SH3D19: variants seen among roughly 807,000 people sequenced by gnomAD.
The protein encoded by SH3D19 is SH3 domain containing 19.
SH3D19 carries 58 observed loss-of-function variants against 112.1 expected under a neutral mutation model. That is an observed-to-expected ratio of 0.52 (90% CI 0.42 to 0.64). SH3D19 has a LOEUF of 0.64. Ranked by LOEUF, SH3D19 falls within the 30% of genes least tolerant of loss-of-function variation. SH3D19 has a pLI of 0.00. For missense variants in SH3D19, 1,090 were observed against 1,263.4 expected, an observed-to-expected ratio of 0.86 and a Z score of 2.08; for synonymous variants, 391 against 448.5, an observed-to-expected ratio of 0.87 and a Z score of 1.62.
At chr4:151,172,024 A>G (rs939732428) in intron 7 of SH3D19, among the ~76,000 whole-genome samples, 2 of 152,204 alleles carry the variant, frequency 1.3e-5, no homozygotes, top group African/African-American at 4.8e-5. Flanking sequence ...CCTGAGATTA[A>G]TATGGCAACT....
intron 1 of SH3D19, among the ~76,000 whole-genome samples, chr4:151,255,627 C>T (rs1430632051): frequency 6.6e-6 from 1 of 152,012 alleles, no homozygotes; most frequent in African/African-American, 2.4e-5. Flanking sequence ...GACGGGGTGG[C>T]GGCCGGGCAG....
chr4:151,261,715 T>C (rs1772390401), intron 1 of SH3D19, among the ~76,000 whole-genome samples: 1 of 152,242 alleles, frequency 6.6e-6, no homozygotes, highest in Non-Finnish European at 1.5e-5. Context: ...ATAATCTCTT[T>C]GCTTATTGAT....
At chr4:151,249,659 G>A (rs570318021) in intron 1 of SH3D19, among the ~76,000 whole-genome samples, 2 of 151,532 alleles carry the variant, frequency 1.3e-5, no homozygotes, top group South Asian at 2.1e-4. Context: ...TGTAAACTTC[G>A]TGTAAAAAAA....
chr4:151,163,426 T>G (rs1038370758), intron 8 of SH3D19, among the ~76,000 whole-genome samples: 1 of 152,128 alleles, frequency 6.6e-6, no homozygotes, highest in African/African-American at 2.4e-5. Flanking sequence ...CAGGCAAAAT[T>G]TCTTATTATT....
intron 1 of SH3D19, among the ~76,000 whole-genome samples, chr4:151,255,879 G>A (rs917079167): frequency 6.6e-6 from 1 of 152,264 alleles, no homozygotes; most frequent in South Asian, 2.1e-4. Context: ...AGTCAGGCGT[G>A]GCGGTGCGAG....
At chr4:151,324,105 T>C (rs925863605) in intron 1 of SH3D19, among the ~76,000 whole-genome samples, 1 of 152,242 alleles carries the variant, frequency 6.6e-6, no homozygotes, top group African/African-American at 2.4e-5. Flanking sequence ...ATGCCTTATT[T>C]TGATGAAAAG....
chr4:151,218,260 T>C (rs1054484365), intron 2 of SH3D19, among the ~76,000 whole-genome samples: 1 of 152,160 alleles, frequency 6.6e-6, no homozygotes, highest in Admixed American at 6.5e-5. Context: ...ATCAATTTTT[T>C]CTGAACATTC....
chr4:151,137,396 T>TA (rs1752090767), intron 14 of SH3D19, among the ~76,000 whole-genome samples: 1 of 152,162 alleles, frequency 6.6e-6, no homozygotes, highest in Non-Finnish European at 1.5e-5. Flanking sequence ...GATAAGCTAG[T>TA]ATCACTGAAT....
intron 9 of SH3D19, among the ~76,000 whole-genome samples, chr4:151,154,150 G>A (rs1349415316): frequency 1.6e-5 from 2 of 124,974 alleles, no homozygotes; most frequent in Admixed American, 1.7e-4. Flanking sequence ...TTTTTTTTGT[G>A]AGATGGAGTT....
chr4:151,133,065 C>G lies in SH3D19; in HGVS notation c.2658G>C (p.Glu886Asp), dbSNP rs1386779956. 2.5e-5 allele frequency: 40 copies of G among 1,613,836 alleles called. No homozygotes were observed. Among genetic ancestry groups the G allele is most frequent in the Non-Finnish European group, 3.2e-5 (38 of 1,179,904 alleles). Residue 886 changes from glutamate to aspartate, a missense_variant, in exon 16 of 20, where the codon GAG becomes GAC. Coordinates refer to ENST00000604030, the MANE Select transcript of SH3D19 (RefSeq NM_001378122.1). Reference sequence around the variant, plus strand: ...CATTTGCACCAGAGGTGGGATAATCCTCAACAGGCTCCACAAAGTTCAGGG... The same window carrying G: ...CATTTGCACCAGAGGTGGGATAATCGTCAACAGGCTCCACAAAGTTCAGGG... The part of the protein sequence containing the change: ...IFPLNFVEPV[E>D]DYPTSGANVL...
intron 2 of SH3D19, among the ~76,000 whole-genome samples, chr4:151,194,788 G>A (rs1309696762): frequency 6.6e-6 from 1 of 151,048 alleles, no homozygotes; most frequent in Non-Finnish European, 1.5e-5. Context: ...ACTGTTAAGA[G>A]TTAACCTTAA....
In SH3D19 at chr4:151,226,932, T is replaced by A. The variant is rs577062619; in HGVS notation, c.113-846A>T. Among the ~76,000 whole-genome samples, 121 of 152,292 alleles carry A rather than the reference T, an allele frequency of 7.9e-4. 1 individual carries two copies. The highest frequency in any genetic ancestry group is 2.7e-3 in the African/African-American group (114 of 41,564). On this transcript the variant is annotated intron_variant, in intron 1 of 19. Transcript: ENST00000604030. ...ACCCACAGGTTGTCTTTTTTGAACC[T>A]GAGTAACAATTTTTCCTCCACTATA... is the stretch of plus-strand genomic sequence containing the variant.
chr4:151,168,496 G>T (rs922954881), intron 7 of SH3D19, among the ~76,000 whole-genome samples: 1 of 151,632 alleles, frequency 6.6e-6, no homozygotes, highest in South Asian at 2.1e-4. Flanking sequence ...GCGCAGTGGT[G>T]CAATCACGAC....
intron 3 of SH3D19, 78 bp from the exon 4 acceptor site, chr4:151,179,475 A>G (rs1346322346): frequency 1.3e-6 from 1 of 786,096 alleles, no homozygotes; most frequent in Admixed American, 4.3e-5. Flanking sequence ...AAAGTACACA[A>G]TTGGAAAAAG....
At chr4:151,224,080 CA>C (rs1248374274) in intron 2 of SH3D19, among the ~76,000 whole-genome samples, 2 of 152,146 alleles carry the variant, frequency 1.3e-5, no homozygotes, top group African/African-American at 4.8e-5. Flanking sequence ...GAGGCCGAGG[CA>C]GGTGGATCAC....
At chr4:151,236,578 G>GT (rs1770069370) in intron 1 of SH3D19, among the ~76,000 whole-genome samples, 1 of 152,078 alleles carries the variant, frequency 6.6e-6, no homozygotes, top group African/African-American at 2.4e-5. Flanking sequence ...CTAGCTAAAG[G>GT]GTTGTAAATG....
At chr4:151,135,214 T>A in intron 14 of SH3D19, 82 bp from the exon 15 acceptor site, 1 of 1,134,768 alleles carries the variant, frequency 8.8e-7, no homozygotes, top group Admixed American at 2.2e-5. Context: ...AATTAGAAAG[T>A]ACATGACTGA....
rs568896947 is a variant in SH3D19, at chr4:151,135,676, G to A, written c.2428-544C>T. ...ACTCTTGGACTCAAGCAATCTGCCT[G>A]CCTTAGCCTCCCAAAGTGCTGGTAT... On this transcript the variant is annotated intron_variant, in intron 14 of 19. Coordinates refer to ENST00000604030, the MANE Select transcript of SH3D19 (RefSeq NM_001378122.1). Among the ~76,000 whole-genome samples the A allele has an allele frequency of 2.3e-3, 351 of 152,054 alleles. 2 individuals carry two copies. The highest frequency in any genetic ancestry group is 7.2e-3 in the African/African-American group (298 of 41,458).
At chr4:151,193,891 A>G (rs1763012329) in intron 2 of SH3D19, among the ~76,000 whole-genome samples, 1 of 152,190 alleles carries the variant, frequency 6.6e-6, no homozygotes, top group African/African-American at 2.4e-5. Flanking sequence ...TTCTGGGGTT[A>G]TATCTTTCCT....
Sources: gnomAD v4.1 joint callset for allele counts (sites outside exome capture counted in the v4.1 genomes callset) on GRCh38, gnomAD v4.1.1 for gene constraint, MANE v1.5 for transcripts, NCBI Gene and HGNC (gene_info 2026-07-23, HGNC 2026-07-21) for gene names.